The following ZBTB42 variants were observed in gnomAD, a reference collection of about 807,000 sequenced individuals.
ZBTB42 encodes zinc finger and BTB domain-containing protein 42.
A neutral mutation model predicts 4.7 loss-of-function variants in ZBTB42; 3 were observed. The ratio of observed to expected loss-of-function variants is 0.64; its 90% CI spans 0.29 to 1.66. ZBTB42 has a LOEUF of 1.66. Ranked by LOEUF, ZBTB42 falls within the 40% of genes most tolerant of loss-of-function variation. The pLI is 0.10. For missense variants in ZBTB42, 521 were observed against 577.1 expected (o/e 0.90, Z 1.00); for synonymous variants, 255 against 259.5 (o/e 0.98, Z 0.17).
chr14:104,801,122 G>C lies in ZBTB42; in HGVS notation c.-76G>C. Reference sequence around the variant, plus strand: ...CGCTCTTTCCGCGCTGCCTGCAGCCGGGAAGGGCGCTTCGTGGGCGCCTCC... The same window carrying C: ...CGCTCTTTCCGCGCTGCCTGCAGCCCGGAAGGGCGCTTCGTGGGCGCCTCC... On this transcript the variant is annotated 5_prime_UTR_variant, in exon 1 of 1. Coordinates refer to ENST00000342537, the MANE Select transcript of ZBTB42 (RefSeq NM_001137601.3). The surrounding 1 kb of genome is among the most constrained non-coding windows in gnomAD (Gnocchi z 4.4). 1.5e-6 allele frequency: 2 copies of C among 1,375,122 alleles called. No individual in the cohort carries two copies. Among genetic ancestry groups the C allele is most frequent in the South Asian group, 3.4e-5 (2 of 59,338 alleles). The allele number at this position is 1,375,122 out of a possible 1,614,324, so 85.2% of individuals were successfully genotyped here. A position where few individuals can be genotyped will look rare whatever the true frequency, so the allele number is the denominator to read the frequency against.
chr14:104,802,839 G>T lies in ZBTB42; in HGVS notation c.*373G>T. 3.2e-6 allele frequency: 1 copy of T among 310,184 alleles called. No homozygotes were observed. The highest frequency in any genetic ancestry group is 2.2e-5 in the African/African-American group (1 of 45,946). The allele number at this position is 310,184 out of a possible 1,614,324, so 19.2% of individuals were successfully genotyped here. On this transcript the variant is annotated 3_prime_UTR_variant, in exon 1 of 1. Coordinates refer to ENST00000342537, the MANE Select transcript of ZBTB42 (RefSeq NM_001137601.3). This position sits in a 1 kb window ranked among gnomAD's most constrained non-coding sequence, Gnocchi z 5.9. ...TGTGAGATGGCACATCCATCTCCCGGCCCGGGACTTTCCTGACCACCTCTC... is the reference window on the plus strand; with the variant it reads ...TGTGAGATGGCACATCCATCTCCCGTCCCGGGACTTTCCTGACCACCTCTC...
In ZBTB42 at chr14:104,801,304, C is replaced by T. The variant is rs1021036189; in HGVS notation, c.107C>T (p.Pro36Leu). The change falls in exon 1 of 1, where the codon CCG becomes CTG. Residue 36 changes from proline (P) to leucine (L), a missense_variant. By Grantham distance (98) the Pro-to-Leu change is moderately conservative (BLOSUM62 -3). Coordinates refer to ENST00000342537, the MANE Select transcript of ZBTB42 (RefSeq NM_001137601.3). This position sits in a 1 kb window ranked among gnomAD's most constrained non-coding sequence, Gnocchi z 4.4. Reference protein sequence around the residue: ...CTVLVGDARFPAHRAVLAACS... With the variant: ...CTVLVGDARFLAHRAVLAACS... The stretch of plus-strand genomic sequence containing the variant: ...GTGCTGGTGGGCGACGCGCGCTTCC[C>T]GGCCCACCGTGCCGTGCTGGCCGCG... 1.3e-6 allele frequency: 2 copies of T among 1,546,056 alleles called. No individual in the cohort carries two copies. Among genetic ancestry groups the T allele is most frequent in the Admixed American group, 3.9e-5 (2 of 50,746 alleles).
Position 104,801,552 on chromosome 14 carries a change from C to T in ZBTB42, c.355C>T (p.Gln119Ter). 1 of 1,550,132 alleles carries T rather than the reference C, an allele frequency of 6.5e-7. No individual in the cohort carries two copies. Among genetic ancestry groups the T allele is most frequent in the Non-Finnish European group, 8.7e-7 (1 of 1,146,866 alleles). Residue 119 changes from glutamine to a stop codon, truncating the protein, a stop_gained, in exon 1 of 1, where the codon CAG (glutamine) becomes TAG (stop). Coordinates refer to ENST00000342537, the MANE Select transcript of ZBTB42 (RefSeq NM_001137601.3). LOFTEE classifies it low-confidence loss of function (END_TRUNC). This position sits in a 1 kb window ranked among gnomAD's most constrained non-coding sequence, Gnocchi z 4.4. ...CGTCAAGGTCTGCAAGGGCAGGCTC[C>T]AGGAGAAGGATCGAAGTCTGGACCC... ...DIVKVCKGRLQEKDRSLDPGN... is the reference protein window; with the variant it reads ...DIVKVCKGRL
In ZBTB42 at chr14:104,804,014, G is replaced by C. The variant is rs1200438538; in HGVS notation, c.*1548G>C. 1 of 166,690 alleles carries C rather than the reference G, an allele frequency of 6.0e-6. No individual in the cohort carries two copies. The highest frequency in any genetic ancestry group is 1.9e-4 in the East Asian group (1 of 5,182). 10.3% of individuals were successfully genotyped at this position (166,690 alleles called of 1,614,324 possible). On this transcript the variant is annotated 3_prime_UTR_variant, in exon 1 of 1. Coordinates refer to ENST00000342537, the MANE Select transcript of ZBTB42 (RefSeq NM_001137601.3). ...TGGGAGCCCAGCGCTTCTGGGTGATGCCCCAGGGCTCAGAGGCCCTGGATG... is the reference window on the plus strand; with the variant it reads ...TGGGAGCCCAGCGCTTCTGGGTGATCCCCCAGGGCTCAGAGGCCCTGGATG...
Position 104,802,340 on chromosome 14 carries a change from C to T in ZBTB42, c.1143C>T (p.Thr381=), listed in dbSNP as rs1449991554. The T allele has an allele frequency of 2.4e-5, 37 of 1,550,362 alleles. No individual in the cohort carries two copies. The highest frequency in any genetic ancestry group is 9.5e-5 in the South Asian group (8 of 84,070). Residue 381 remains threonine, a synonymous_variant, in exon 1 of 1, where the codon ACC becomes ACT. Coordinates refer to ENST00000342537, the MANE Select transcript of ZBTB42 (RefSeq NM_001137601.3). This position sits in a 1 kb window ranked among gnomAD's most constrained non-coding sequence, Gnocchi z 5.9. ...ACTCCCACAACCTGAGCCGGCACAC[C>T]GTAGTGCACACTCGAGAGAAGCCGC... is the stretch of plus-strand genomic sequence containing the variant. ...FQYSHNLSRH[T]VVHTREKPHA...
Position 104,801,722 on chromosome 14 carries a change from T to C in ZBTB42, c.525T>C (p.Pro175=). The C allele has an allele frequency of 6.5e-7, 1 of 1,550,012 alleles. No homozygotes were observed. Among genetic ancestry groups the C allele is most frequent in the Non-Finnish European group, 8.7e-7 (1 of 1,146,860 alleles). Residue 175 remains proline (P), a synonymous_variant, in exon 1 of 1, where the codon CCT becomes CCC. Transcript: ENST00000342537. The surrounding 1 kb of genome is among the most constrained non-coding windows in gnomAD (Gnocchi z 4.4). ...CCCTCCCTCCTCGAGCATCTGGGCC[T>C]CCTCCCTGCCAGGTCCCAGAAGAGT... ...KAALPPRASG[P]PPCQVPEESD...
chr14:104,802,353 C>A lies in ZBTB42; in HGVS notation c.1156C>A (p.Arg386=). 6.4e-7 allele frequency: 1 copy of A among 1,550,484 alleles called. No homozygotes were observed. The highest frequency in any genetic ancestry group is 8.7e-7 in the Non-Finnish European group (1 of 1,147,000). The change falls in exon 1 of 1, where the codon CGA becomes AGA. Residue 386 remains arginine, a synonymous_variant. Transcript: ENST00000342537. This position sits in a 1 kb window ranked among gnomAD's most constrained non-coding sequence, Gnocchi z 5.9. The part of the protein sequence containing the change: ...NLSRHTVVHT[R]EKPHACRWCE... Reference sequence around the variant, plus strand: ...GAGCCGGCACACCGTAGTGCACACTCGAGAGAAGCCGCATGCCTGCCGGTG... The same window carrying A: ...GAGCCGGCACACCGTAGTGCACACTAGAGAGAAGCCGCATGCCTGCCGGTG...
Position 104,801,992 on chromosome 14 carries a change from C to G in ZBTB42, c.795C>G (p.Pro265=). ...TGGTGGTGGGCTTGCAGCCGCTGCCCCTCAGCGGAGAGGGCAGCCGGGAGC... is the reference window on the plus strand; with the variant it reads ...TGGTGGTGGGCTTGCAGCCGCTGCCGCTCAGCGGAGAGGGCAGCCGGGAGC... ...KGLVVGLQPL[P]LSGEGSRELE... The change falls in exon 1 of 1, where the codon CCC becomes CCG. Residue 265 remains proline (P), a synonymous_variant. Transcript: ENST00000342537. The surrounding 1 kb of genome is among the most constrained non-coding windows in gnomAD (Gnocchi z 4.4). The G allele has an allele frequency of 6.6e-7, 1 of 1,505,750 alleles. No homozygotes were observed. The highest frequency in any genetic ancestry group is 1.2e-5 in the South Asian group (1 of 80,390). 93.3% of individuals were successfully genotyped at this position (1,505,750 alleles called of 1,614,324 possible).
chr14:104,802,263 C>T lies in ZBTB42; in HGVS notation c.1066C>T (p.His356Tyr). The T allele has an allele frequency of 6.5e-7, 1 of 1,550,370 alleles. No individual in the cohort carries two copies. Among genetic ancestry groups the T allele is most frequent in the Non-Finnish European group, 8.7e-7 (1 of 1,146,986 alleles). Residue 356 changes from histidine (H) to tyrosine (Y), a missense_variant, in exon 1 of 1, where the codon CAC becomes TAC. Physicochemically the swap from His to Tyr is moderately conservative, Grantham distance 83. Transcript: ENST00000342537. This position sits in a 1 kb window ranked among gnomAD's most constrained non-coding sequence, Gnocchi z 5.9. ...CACACTGAAGAGGCACGAGCGGACACACTCGGGTGAGAAGCCCTATACGTG... is the reference window on the plus strand; with the variant it reads ...CACACTGAAGAGGCACGAGCGGACATACTCGGGTGAGAAGCCCTATACGTG... ...TYTLKRHERTHSGEKPYTCVQ... is the reference protein window; with the variant it reads ...TYTLKRHERTYSGEKPYTCVQ...
At position 104,802,629 on chromosome 14, in the gene ZBTB42, C is replaced by A; in HGVS notation, c.*163C>A. ...AATGCTGCCTCTTCCTGGAACTTGG[C>A]CTCAGACTCGGTAACTTGGGCAGCC... On this transcript the variant is annotated 3_prime_UTR_variant, in exon 1 of 1. Coordinates refer to ENST00000342537, the MANE Select transcript of ZBTB42 (RefSeq NM_001137601.3). The surrounding 1 kb of genome is among the most constrained non-coding windows in gnomAD (Gnocchi z 5.9). 1 of 1,123,792 alleles carries A rather than the reference C, an allele frequency of 8.9e-7. No individual in the cohort carries two copies. Among genetic ancestry groups the A allele is most frequent in the Non-Finnish European group, 1.2e-6 (1 of 802,980 alleles). 69.6% of individuals were successfully genotyped at this position (1,123,792 alleles called of 1,614,324 possible). A position where few individuals can be genotyped will look rare whatever the true frequency, so the allele number is the denominator to read the frequency against.
chr14:104,801,188 C>T lies in ZBTB42; in HGVS notation c.-10C>T, dbSNP rs1268053482. On this transcript the variant is annotated 5_prime_UTR_variant, in exon 1 of 1. The change creates a new upstream start codon in the 5' untranslated region. Transcript: ENST00000342537. This position sits in a 1 kb window ranked among gnomAD's most constrained non-coding sequence, Gnocchi z 4.4. ...CGTCCCGTTTGTGCCCAGGTGATGA[C>T]GGCGGCGGCATGGAGTTCCCTGAGC... 7.1e-6 allele frequency: 10 copies of T among 1,410,904 alleles called. No individual in the cohort carries two copies. The highest frequency in any genetic ancestry group is 8.3e-6 in the Non-Finnish European group (9 of 1,087,470). 87.4% of individuals were successfully genotyped at this position (1,410,904 alleles called of 1,614,324 possible).
chr14:104,804,265 T>G lies in ZBTB42; in HGVS notation c.*1799T>G, dbSNP rs371860576. 5 of 166,916 alleles carry G rather than the reference T, an allele frequency of 3.0e-5. No individual in the cohort carries two copies. The highest frequency in any genetic ancestry group is 1.2e-4 in the African/African-American group (5 of 41,546). 10.3% of individuals were successfully genotyped at this position (166,916 alleles called of 1,614,324 possible). A position where few individuals can be genotyped will look rare whatever the true frequency, so the allele number is the denominator to read the frequency against. ...ACACTGCCACCCAAGCACGGAGATG[T>G]GGCCGCGGCACTGGGTCCCCCAGTG... On this transcript the variant is annotated 3_prime_UTR_variant, in exon 1 of 1. Transcript: ENST00000342537.
chr14:104,801,041 C>T (rs1168596646), upstream of ZBTB42: 9 of 945,258 alleles, frequency 9.5e-6, no homozygotes, highest in African/African-American at 1.7e-5. The surrounding 1 kb of genome is among the most constrained non-coding windows in gnomAD (Gnocchi z 4.4). Flanking sequence ...TTTTCCTGCT[C>T]GGGGCAGGTG....
At chr14:104,801,040 T>C (rs979114155), upstream of ZBTB42, 1 of 939,114 alleles carries the variant, frequency 1.1e-6, no homozygotes, top group Non-Finnish European at 1.5e-6. The surrounding 1 kb of genome is among the most constrained non-coding windows in gnomAD (Gnocchi z 4.4). Context: ...TTTTTCCTGC[T>C]CGGGGCAGGT....
Position 104,801,719 on chromosome 14 carries a change from G to A in ZBTB42, c.522G>A (p.Gly174=). 7 of 1,550,088 alleles carry A rather than the reference G, an allele frequency of 4.5e-6. No homozygotes were observed. The highest frequency in any genetic ancestry group is 6.1e-6 in the Non-Finnish European group (7 of 1,146,890). Residue 174 remains glycine (G), a synonymous_variant, in exon 1 of 1, where the codon GGG becomes GGA. Transcript: ENST00000342537. The surrounding 1 kb of genome is among the most constrained non-coding windows in gnomAD (Gnocchi z 4.4). Reference sequence around the variant, plus strand: ...CTGCCCTCCCTCCTCGAGCATCTGGGCCTCCTCCCTGCCAGGTCCCAGAAG... The same window carrying A: ...CTGCCCTCCCTCCTCGAGCATCTGGACCTCCTCCCTGCCAGGTCCCAGAAG... ...VKAALPPRAS[G]PPPCQVPEES...
In ZBTB42 at chr14:104,804,456, C is replaced by G. The variant is rs1383968461; in HGVS notation, c.*1990C>G. 1 of 166,850 alleles carries G rather than the reference C, an allele frequency of 6.0e-6. No individual in the cohort carries two copies. The highest frequency in any genetic ancestry group is 1.5e-5 in the Non-Finnish European group (1 of 68,120). The allele number at this position is 166,850 out of a possible 1,614,324, so 10.3% of individuals were successfully genotyped here. On this transcript the variant is annotated 3_prime_UTR_variant, in exon 1 of 1. Coordinates refer to ENST00000342537, the MANE Select transcript of ZBTB42 (RefSeq NM_001137601.3). ...AGTTGGGACAAAATATATACGTGTA[C>G]ATATATTTAAGACACTAATTGTGTG...
rs1894075524 is a variant in ZBTB42, at chr14:104,802,659, T to G, written c.*193T>G. ...GACTCGGTAACTTGGGCAGCCTTCC[T>G]CCCACCTTGCCTCTCCTTTCCCCTC... On this transcript the variant is annotated 3_prime_UTR_variant, in exon 1 of 1. Coordinates refer to ENST00000342537, the MANE Select transcript of ZBTB42 (RefSeq NM_001137601.3). The surrounding 1 kb of genome is among the most constrained non-coding windows in gnomAD (Gnocchi z 5.9). 4 of 800,674 alleles carry G rather than the reference T, an allele frequency of 5.0e-6. No individual in the cohort carries two copies. Among genetic ancestry groups the G allele is most frequent in the Non-Finnish European group, 5.9e-6 (3 of 508,208 alleles). The allele number at this position is 800,674 out of a possible 1,614,324, so 49.6% of individuals were successfully genotyped here.
chr14:104,802,406 G>T lies in ZBTB42; in HGVS notation c.1209G>T (p.Gly403=). The change falls in exon 1 of 1, where the codon GGG becomes GGT. Residue 403 remains glycine, a synonymous_variant. Coordinates refer to ENST00000342537, the MANE Select transcript of ZBTB42 (RefSeq NM_001137601.3). This position sits in a 1 kb window ranked among gnomAD's most constrained non-coding sequence, Gnocchi z 5.9. ...GTGAGCGCCGTTTCACGCAGTCCGG[G>T]GACCTCTACCGCCACGTCCGCAAGT... ...RWCERRFTQS[G]DLYRHVRKFH... 6.4e-7 allele frequency: 1 copy of T among 1,551,088 alleles called. No homozygotes were observed. The highest frequency in any genetic ancestry group is 1.2e-5 in the South Asian group (1 of 84,086).
Position 104,801,153 on chromosome 14 carries a change from C to T in ZBTB42, c.-45C>T. The T allele has an allele frequency of 2.9e-6, 4 of 1,382,344 alleles. No homozygotes were observed. The highest frequency in any genetic ancestry group is 3.7e-6 in the Non-Finnish European group (4 of 1,073,916). The allele number at this position is 1,382,344 out of a possible 1,614,324, so 85.6% of individuals were successfully genotyped here. On this transcript the variant is annotated 5_prime_UTR_variant, in exon 1 of 1. Transcript: ENST00000342537. The surrounding 1 kb of genome is among the most constrained non-coding windows in gnomAD (Gnocchi z 4.4). ...GGCGCTTCGTGGGCGCCTCCAGGCG[C>T]GCTGACGGGCGTCCCGTTTGTGCCC... is the stretch of plus-strand genomic sequence containing the variant.
Sources: allele counts gnomAD v4.1 joint callset, GRCh38; gene constraint gnomAD v4.1.1; non-coding constraint Gnocchi (gnomAD v3.1); transcripts MANE v1.5; gene names NCBI Gene and HGNC (gene_info 2026-07-23, HGNC 2026-07-21).